The following OMA1 variants were observed in gnomAD, a reference collection of about 807,000 sequenced individuals.
The protein encoded by OMA1 is OMA1 zinc metallopeptidase.
A neutral mutation model predicts 30.9 loss-of-function variants in OMA1; 38 were observed. The observed-to-expected ratio is 1.23, with a 90% CI of 0.95 to 1.61. OMA1 has a LOEUF of 1.61. Ranked by LOEUF, OMA1 falls within the 40% of genes most tolerant of loss-of-function variation. The pLI is 0.00. For missense variants in OMA1, 461 were observed against 349.2 expected (o/e 1.32, Z -2.55); for synonymous variants, 173 against 121.9 (o/e 1.42, Z -2.76).
chr1:58,546,121 G>C (rs2100509434), intron 1 of OMA1, among the ~76,000 whole-genome samples: 1 of 152,362 alleles, frequency 6.6e-6, no homozygotes, highest in East Asian at 1.9e-4. Flanking sequence ...GAGTTCTGTA[G>C]ACGAGTTTAC....
At chr1:58,516,668 G>T (rs138732619) in intron 7 of OMA1, among the ~76,000 whole-genome samples, 1 of 152,160 alleles carries the variant, frequency 6.6e-6, no homozygotes. Flanking sequence ...TTTGAAAGAG[G>T]CTTCATGAGT....
chr1:58,487,463 T>C (rs1417076988), intron 8 of OMA1, among the ~76,000 whole-genome samples: 1 of 152,220 alleles, frequency 6.6e-6, no homozygotes, highest in Non-Finnish European at 1.5e-5. Context: ...CAAAACAAAA[T>C]CATTTATGCT....
intron 8 of OMA1, among the ~76,000 whole-genome samples, chr1:58,502,071 G>C (rs769994286): frequency 6.6e-6 from 1 of 152,074 alleles, no homozygotes; most frequent in Admixed American, 6.6e-5. Flanking sequence ...AATACTTGTT[G>C]AATGCATAAA....
intron 7 of OMA1, among the ~76,000 whole-genome samples, chr1:58,512,655 A>C (rs1646097945): frequency 6.6e-6 from 1 of 152,234 alleles, no homozygotes; most frequent in African/African-American, 2.4e-5. Flanking sequence ...CAAATGGACA[A>C]ATACGAGACG....
At chr1:58,534,435 T>G (rs1646484990) in intron 3 of OMA1, 104 bp from the exon 4 acceptor site, 1 of 588,764 alleles carries the variant, frequency 1.7e-6, no homozygotes, top group African/African-American at 1.9e-5. Context: ...ATTTTAAGTT[T>G]TAATTATATA....
At chr1:58,539,887 A>C (rs1347077928) in intron 1 of OMA1, among the ~76,000 whole-genome samples, 3 of 152,180 alleles carry the variant, frequency 2.0e-5, no homozygotes, top group Non-Finnish European at 2.9e-5. Flanking sequence ...AAGTAAACCA[A>C]GGTTGCTAGA....
intron 8 of OMA1, among the ~76,000 whole-genome samples, chr1:58,505,118 A>G (rs1645966897): frequency 6.6e-6 from 1 of 152,078 alleles, no homozygotes; most frequent in Non-Finnish European, 1.5e-5. Flanking sequence ...ACGCCCGCCT[A>G]ATTTTGTATT....
intron 3 of OMA1, among the ~76,000 whole-genome samples, chr1:58,535,457 G>A (rs891615809): frequency 5.3e-5 from 8 of 151,914 alleles, no homozygotes; most frequent in Non-Finnish European, 8.8e-5. Context: ...TTGGCCAGGC[G>A]TGGTGGCGCA....
At chr1:58,518,454 A>C (rs1454060583) in intron 7 of OMA1, among the ~76,000 whole-genome samples, 1 of 151,990 alleles carries the variant, frequency 6.6e-6, no homozygotes, top group East Asian at 1.9e-4. Context: ...AGGGTGGAGA[A>C]TGGAATGGAG....
chr1:58,545,573 T>C (rs978830409), intron 1 of OMA1, among the ~76,000 whole-genome samples: 1 of 152,292 alleles, frequency 6.6e-6, no homozygotes, highest in South Asian at 2.1e-4. Flanking sequence ...CAAACATAGC[T>C]GGCAGACTTC....
At chr1:58,517,544 C>G (rs114176947) in intron 7 of OMA1, among the ~76,000 whole-genome samples, 1,675 of 152,284 alleles carry the variant, frequency 0.011, 32 homozygotes, top group African/African-American at 0.038. Flanking sequence ...AGAGATCCCT[C>G]AAGTTACATC....
intron 6 of OMA1, among the ~76,000 whole-genome samples, chr1:58,527,922 A>C (rs1646377348): frequency 6.6e-6 from 1 of 152,234 alleles, no homozygotes; most frequent in South Asian, 2.1e-4. Flanking sequence ...TTTCCTAATT[A>C]CTTGTATTTA....
At chr1:58,544,018 A>C (rs1646663622) in intron 1 of OMA1, among the ~76,000 whole-genome samples, 1 of 152,230 alleles carries the variant, frequency 6.6e-6, no homozygotes, top group African/African-American at 2.4e-5. Context: ...GGTCCAGGCA[A>C]GTGAATATCA....
chr1:58,516,993 A>T (rs1278801829), intron 7 of OMA1, among the ~76,000 whole-genome samples: 3 of 152,174 alleles, frequency 2.0e-5, no homozygotes, highest in African/African-American at 4.8e-5. Context: ...CATGATTTGA[A>T]TGCTACAATG....
At chr1:58,493,018 T>A (rs1287879581) in intron 8 of OMA1, among the ~76,000 whole-genome samples, 1 of 152,134 alleles carries the variant, frequency 6.6e-6, no homozygotes, top group Non-Finnish European at 1.5e-5. Flanking sequence ...AAATCCTCAA[T>A]AAAATACTGG....
intron 1 of OMA1, among the ~76,000 whole-genome samples, chr1:58,545,796 T>C (rs1441350568): frequency 1.3e-5 from 2 of 152,170 alleles, no homozygotes; most frequent in African/African-American, 2.4e-5. Flanking sequence ...AGCTGTCAGA[T>C]TGGCAAAAAT....
At chr1:58,493,586 A>T (rs920885944) in intron 8 of OMA1, among the ~76,000 whole-genome samples, 2 of 151,468 alleles carry the variant, frequency 1.3e-5, no homozygotes, top group Admixed American at 1.3e-4. Context: ...ATACAAAATC[A>T]ATGTGCAAAA....
At chr1:58,507,079 A>G (rs763098367) in intron 7 of OMA1, among the ~76,000 whole-genome samples, 1 of 151,982 alleles carries the variant, frequency 6.6e-6, no homozygotes, top group African/African-American at 2.4e-5. Context: ...AGGGAGCAAC[A>G]CTTTTATTTC....
intron 7 of OMA1, among the ~76,000 whole-genome samples, chr1:58,515,333 CAT>C (rs1017223795): frequency 6.6e-6 from 1 of 152,102 alleles, no homozygotes; most frequent in Admixed American, 6.6e-5. Context: ...AAATGAAAGA[CAT>C]ATGTTGGTCA....
Sources: gnomAD v4.1 joint callset for allele counts (sites outside exome capture counted in the v4.1 genomes callset) on GRCh38, gnomAD v4.1.1 for gene constraint, MANE v1.5 for transcripts, NCBI Gene and HGNC (gene_info 2026-07-23, HGNC 2026-07-21) for gene names.